PTPRN2: variants seen among roughly 807,000 people sequenced by gnomAD.
PTPRN2 encodes the protein protein tyrosine phosphatase receptor type N2, also known as receptor-type tyrosine-protein phosphatase N2.
In PTPRN2, 74 loss-of-function variants were observed where a neutral mutation model predicts 118.8. The observed-to-expected ratio is 0.62, with a 90% confidence interval of 0.52 to 0.76. The LOEUF (loss-of-function observed/expected upper bound fraction) is 0.76, where lower values mean the gene tolerates loss of function less well. Ranked by LOEUF, PTPRN2 falls within the 30% of genes least tolerant of loss-of-function variation. The pLI is 0.00. For missense variants in PTPRN2, 1,481 were observed against 1,394.4 expected (o/e 1.06, Z -0.99); for synonymous variants, 641 against 608.0 (o/e 1.05, Z -0.80).
chr7:158,196,286 C>T (rs1371394746), intron 4 of PTPRN2, among the ~76,000 whole-genome samples: 1 of 152,220 alleles, frequency 6.6e-6, no homozygotes, highest in African/African-American at 2.4e-5. Flanking sequence ...TGAACTCAAG[C>T]TGCCTTGGTT....
chr7:158,102,822 C>A (rs1369626749), intron 10 of PTPRN2, among the ~76,000 whole-genome samples: 1 of 152,136 alleles, frequency 6.6e-6, no homozygotes, highest in South Asian at 2.1e-4. Context: ...CACTGAGGAG[C>A]TGATGGTCTG....
chr7:157,867,549 C>T (rs1395738250), intron 12 of PTPRN2, among the ~76,000 whole-genome samples: 2 of 144,196 alleles, frequency 1.4e-5, no homozygotes, highest in African/African-American at 2.6e-5. Context: ...TCTGGATACA[C>T]GGCCACCACC....
At chr7:158,247,089 G>C (rs532325499) in intron 3 of PTPRN2, among the ~76,000 whole-genome samples, 1 of 152,184 alleles carries the variant, frequency 6.6e-6, no homozygotes, top group Non-Finnish European at 1.5e-5. Flanking sequence ...TCCCTGGCAC[G>C]GGCTGCCTCA....
intron 3 of PTPRN2, among the ~76,000 whole-genome samples, chr7:158,302,378 G>A (rs1800956084): frequency 6.6e-6 from 1 of 152,232 alleles, no homozygotes; most frequent in Non-Finnish European, 1.5e-5. Flanking sequence ...CCCAGCCTTG[G>A]TTGGGTCAAC....
intron 1 of PTPRN2, among the ~76,000 whole-genome samples, chr7:158,580,279 C>A (rs1427064766): frequency 6.6e-6 from 1 of 152,216 alleles, no homozygotes; most frequent in Non-Finnish European, 1.5e-5. Context: ...CCTCTGACTG[C>A]CAATTTTATT....
chr7:157,983,506 ACCC>A (rs1803476820), intron 11 of PTPRN2, among the ~76,000 whole-genome samples: 2 of 152,172 alleles, frequency 1.3e-5, no homozygotes, highest in African/African-American at 4.8e-5. Flanking sequence ...ATCACATCCC[ACCC>A]CAGCTTCCAG....
At chr7:157,832,101 G>T (rs1276705070) in intron 12 of PTPRN2, among the ~76,000 whole-genome samples, 1 of 152,194 alleles carries the variant, frequency 6.6e-6, no homozygotes, top group Non-Finnish European at 1.5e-5. Context: ...GCGCCCGGAA[G>T]CTCGGAGGAC....
chr7:157,904,148 G>A (rs1173457755), intron 11 of PTPRN2, among the ~76,000 whole-genome samples: 2 of 152,118 alleles, frequency 1.3e-5, no homozygotes, highest in Non-Finnish European at 2.9e-5. Flanking sequence ...ATCGCTCAAC[G>A]ACTTTGCTCT....
In PTPRN2 at chr7:157,609,970, C is replaced by A. The variant is rs1370802692; in HGVS notation, c.2345-5895G>T. On this transcript the variant is annotated intron_variant, in intron 15 of 22. Transcript: ENST00000389418. The surrounding 1 kb of genome is among the most constrained non-coding windows in gnomAD (Gnocchi z 4.9). ...CGGCGGTATAGTCATTAATCATGAT[C>A]TAGAACCTCCCGTGCCCACCCCACT... 2.0e-5 allele frequency among the ~76,000 whole-genome samples: 3 copies of A among 152,212 alleles called. No individual in the cohort carries two copies. Among genetic ancestry groups the A allele is most frequent in the Non-Finnish European group, 4.4e-5 (3 of 68,048 alleles).
intron 6 of PTPRN2, among the ~76,000 whole-genome samples, chr7:158,162,592 G>C (rs1308105096): frequency 6.6e-6 from 1 of 151,664 alleles, no homozygotes. Flanking sequence ...GTCTCGAGTG[G>C]GGAAACTGGA....
rs1228459556 is a variant in PTPRN2 at position 157,808,321 on chromosome 7, G to A, written c.1788+90352C>T. The stretch of plus-strand genomic sequence containing the variant: ...GTGGTGGGTGAGTGAGTACGTGAGT[G>A]GCAGGTAAGCGGGTGAGTGGCGGGT... On this transcript the variant is annotated intron_variant, in intron 12 of 22. Coordinates refer to ENST00000389418, the MANE Select transcript of PTPRN2 (RefSeq NM_002847.5). The surrounding 1 kb of genome is among the most constrained non-coding windows in gnomAD (Gnocchi z 5.0). Among the ~76,000 whole-genome samples the A allele has an allele frequency of 1.3e-5, 2 of 151,852 alleles. No homozygotes were observed. Among genetic ancestry groups the A allele is most frequent in the Admixed American group, 1.3e-4 (2 of 15,228 alleles).
chr7:157,553,258 C>T (rs1323612820), intron 21 of PTPRN2, among the ~76,000 whole-genome samples: 3 of 152,150 alleles, frequency 2.0e-5, no homozygotes, highest in African/African-American at 2.4e-5. Context: ...TTTTTTAAAA[C>T]GACTGTCAAC....
chr7:157,574,603 T>G (rs2150520882), intron 19 of PTPRN2, among the ~76,000 whole-genome samples: 1 of 152,282 alleles, frequency 6.6e-6, no homozygotes, highest in South Asian at 2.1e-4. Flanking sequence ...AAAGTGTAAA[T>G]GCGCTCCCTC....
At chr7:158,131,427 A>ACT in intron 9 of PTPRN2, among the ~76,000 whole-genome samples, 1 of 150,494 alleles carries the variant, frequency 6.6e-6, no homozygotes, top group Non-Finnish European at 1.5e-5. Context: ...TACCCAACAC[A>ACT]CACACGAACA....
At chr7:158,368,316 T>A (rs898680010) in intron 2 of PTPRN2, among the ~76,000 whole-genome samples, 4 of 152,176 alleles carry the variant, frequency 2.6e-5, no homozygotes, top group African/African-American at 9.6e-5. Flanking sequence ...AGGCCCCCGC[T>A]TGTGTTGACT....
At chr7:158,263,158 TCA>T (rs77811094) in intron 3 of PTPRN2, among the ~76,000 whole-genome samples, 36,218 of 145,278 alleles carry the variant, frequency 0.25, 4,621 homozygotes, top group Middle Eastern at 0.36. Context: ...CTGCACACAG[TCA>T]CACATTCACA....
At chr7:157,543,383 C>T (rs549023436) in intron 22 of PTPRN2, among the ~76,000 whole-genome samples, 15 of 152,370 alleles carry the variant, frequency 9.8e-5, no homozygotes, top group Admixed American at 5.2e-4. Context: ...GTGGGACGGC[C>T]GAGCCAGGCT....
intron 2 of PTPRN2, among the ~76,000 whole-genome samples, chr7:158,449,692 C>T (rs117159522): frequency 2.5e-4 from 38 of 152,308 alleles, no homozygotes; most frequent in Non-Finnish European, 4.6e-4. Flanking sequence ...CTCATGGATG[C>T]CACTTCAGTG....
intron 12 of PTPRN2, among the ~76,000 whole-genome samples, chr7:157,734,881 C>G (rs1035336605): frequency 2.6e-5 from 4 of 152,240 alleles, no homozygotes; most frequent in Non-Finnish European, 4.4e-5. Flanking sequence ...CATGTGCCTG[C>G]GTTTTCCAAT....
Sources: gnomAD v4.1 joint callset for allele counts (sites outside exome capture counted in the v4.1 genomes callset) on GRCh38, gnomAD v4.1.1 for gene constraint, Gnocchi (gnomAD v3.1) non-coding constraint, MANE v1.5 for transcripts, NCBI Gene and HGNC (gene_info 2026-07-23, HGNC 2026-07-21) for gene names.